ADAM20: variants seen among roughly 807,000 people sequenced by gnomAD.
ADAM20 encodes disintegrin and metalloproteinase domain-containing protein 20.
For synonymous variants in ADAM20, 305 were observed against 310.2 expected (o/e 0.98, Z 0.18); for missense variants, 871 against 883.2 (o/e 0.99, Z 0.18).
At chr14:70,557,660 CATTA>C in the ADAM20 span, among the ~76,000 whole-genome samples, 39 of 152,248 alleles carry the variant, frequency 2.6e-4, no homozygotes, top group East Asian at 5.0e-3. Context: ...ACTTCCAGGT[CATTA>C]ATTAAGACAA....
intron 1 of ADAM20, among the ~76,000 whole-genome samples, chr14:70,532,863 C>A (rs944390677): frequency 6.6e-6 from 1 of 152,066 alleles, no homozygotes; most frequent in Non-Finnish European, 1.5e-5. Flanking sequence ...GGGCAAATGA[C>A]CTGAATAGGC....
At chr14:70,554,048 C>T in the ADAM20 span, among the ~76,000 whole-genome samples, 1 of 152,054 alleles carries the variant, frequency 6.6e-6, no homozygotes, top group Non-Finnish European at 1.5e-5. Flanking sequence ...AAAGACTCCA[C>T]CAAAAAACTA....
chr14:70,558,249 G>A, the ADAM20 span, among the ~76,000 whole-genome samples: 1 of 152,188 alleles, frequency 6.6e-6, no homozygotes, highest in Non-Finnish European at 1.5e-5. Flanking sequence ...AAGTCTTGTA[G>A]TCAAATACAA....
the ADAM20 span, among the ~76,000 whole-genome samples, chr14:70,563,077 A>T: frequency 6.6e-6 from 1 of 152,176 alleles, no homozygotes; most frequent in Non-Finnish European, 1.5e-5. Flanking sequence ...ATCTGAGAAG[A>T]ATTCTCACAA....
the ADAM20 span, among the ~76,000 whole-genome samples, chr14:70,565,252 A>G: frequency 4.0e-5 from 6 of 151,848 alleles, no homozygotes; most frequent in African/African-American, 1.4e-4. Context: ...AAAATAATGA[A>G]AAGAAGTGAA....
chr14:70,522,898 G>A lies in ADAM20; in HGVS notation c.1860C>T (p.Cys620=), dbSNP rs747730562. 6 of 1,613,932 alleles carry A rather than the reference G, an allele frequency of 3.7e-6. No homozygotes were observed. Among genetic ancestry groups the A allele is most frequent in the African/African-American group, 2.7e-5 (2 of 74,898 alleles). The part of the protein sequence containing the change: ...DGTVCGPEKI[C]IRKKCASMVH... Reference sequence around the variant, plus strand: ...CCATACTGGCACACTTCTTACGGATGCAGATCTTTTCTGGACCACATACTG... The same window carrying A: ...CCATACTGGCACACTTCTTACGGATACAGATCTTTTCTGGACCACATACTG... Residue 620 remains cysteine (C), a synonymous_variant, in exon 2 of 2, where the codon TGC becomes TGT. Transcript: ENST00000256389.
chr14:70,561,663 C>T, the ADAM20 span, among the ~76,000 whole-genome samples: 10 of 152,188 alleles, frequency 6.6e-5, no homozygotes, highest in Non-Finnish European at 1.0e-4. Context: ...AGCCTTGGGA[C>T]GTGGGAATGG....
At chr14:70,561,816 A>G in the ADAM20 span, among the ~76,000 whole-genome samples, 1 of 152,266 alleles carries the variant, frequency 6.6e-6, no homozygotes, top group African/African-American at 2.4e-5. Flanking sequence ...GCAAGAGTTG[A>G]GGTTTGAAAA....
In ADAM20 at chr14:70,523,215, A is replaced by G. The variant is rs1193026753; in HGVS notation, c.1543T>C (p.Cys515Arg). The G allele has an allele frequency of 1.9e-6, 3 of 1,613,884 alleles. No homozygotes were observed. Among genetic ancestry groups the G allele is most frequent in the African/African-American group, 1.3e-5 (1 of 74,898 alleles). ...GCATCTTGGCCAAAAATCTCTTTAC[A>G]TTGTATATCATGGTTATTACACGTC... is the stretch of plus-strand genomic sequence containing the variant. ...EKTCNNHDIQ[C>R]KEIFGQDARS... The change falls in exon 2 of 2, where the codon TGT (cysteine) becomes CGT (arginine). Residue 515 changes from cysteine (C) to arginine (R), a missense_variant. Coordinates refer to ENST00000256389, the MANE Select transcript of ADAM20 (RefSeq NM_003814.5).
intron 1 of ADAM20, among the ~76,000 whole-genome samples, chr14:70,534,124 A>T (rs1468260441): frequency 2.7e-5 from 4 of 148,034 alleles, no homozygotes; most frequent in African/African-American, 1.0e-4. Context: ...ACACACACAC[A>T]CGCACACAAA....
chr14:70,539,101 TC>T (rs1203748922), upstream of ADAM20, among the ~76,000 whole-genome samples: 1 of 146,758 alleles, frequency 6.8e-6, no homozygotes, highest in African/African-American at 2.6e-5. Flanking sequence ...ATGATGTGCT[TC>T]CCCCCACAGA....
chr14:70,546,657 T>A, the ADAM20 span, among the ~76,000 whole-genome samples: 17 of 152,282 alleles, frequency 1.1e-4, no homozygotes, highest in South Asian at 2.3e-3. Context: ...AGCTTAGTGA[T>A]TTTGGGGGTC....
chr14:70,533,536 T>A (rs1883759977), intron 1 of ADAM20, among the ~76,000 whole-genome samples: 1 of 151,824 alleles, frequency 6.6e-6, no homozygotes, highest in Non-Finnish European at 1.5e-5. Flanking sequence ...CACTCATAAG[T>A]GGGAGTTGAA....
At chr14:70,569,849 G>A in the ADAM20 span, among the ~76,000 whole-genome samples, 1 of 113,796 alleles carries the variant, frequency 8.8e-6, no homozygotes, top group African/African-American at 3.3e-5. Flanking sequence ...CTACCCCACT[G>A]ACAGCATTAG....
chr14:70,553,751 T>C, the ADAM20 span, among the ~76,000 whole-genome samples: 2 of 142,634 alleles, frequency 1.4e-5, no homozygotes, highest in Non-Finnish European at 3.1e-5. Context: ...CCCTTCATGA[T>C]AAAAAAAAAA....
Position 70,523,455 on chromosome 14 carries a change from A to C in ADAM20, c.1303T>G (p.Cys435Gly). The C allele has an allele frequency of 6.2e-7, 1 of 1,614,076 alleles. No homozygotes were observed. The highest frequency in any genetic ancestry group is 8.5e-7 in the Non-Finnish European group (1 of 1,179,974). ...TIRQCAKDPC[C>G]LLNCTLHPGA... is the part of the protein sequence containing the mutation. ...GGATGTAGAGTACAGTTTAACAGAC[A>C]ACAGGGATCTTTTGCACACTGCCGT... Residue 435 changes from cysteine to glycine, a missense_variant, in exon 2 of 2, where the codon TGT becomes GGT. Coordinates refer to ENST00000256389, the MANE Select transcript of ADAM20 (RefSeq NM_003814.5).
chr14:70,556,201 GCCCAAGTGGTGATTC>G, the ADAM20 span: 6 of 152,642 alleles, frequency 3.9e-5, no homozygotes, highest in South Asian at 1.2e-3. Flanking sequence ...GCTCTGCCCC[GCCCAAGTGGTGATTC>G]CCCAGAATTT....
At chr14:70,528,048 T>C (rs75814478) in intron 1 of ADAM20, among the ~76,000 whole-genome samples, 3,713 of 152,338 alleles carry the variant, frequency 0.024, 136 homozygotes, top group African/African-American at 0.084. Context: ...AATATTTATG[T>C]ATATGGTCTG....
the ADAM20 span, among the ~76,000 whole-genome samples, chr14:70,546,370 T>G: frequency 6.6e-6 from 1 of 152,168 alleles, no homozygotes; most frequent in Admixed American, 6.5e-5. Flanking sequence ...GAGGCACAGC[T>G]TGGTTTTATA....
Sources: allele counts gnomAD v4.1 joint callset (sites outside exome capture counted in the v4.1 genomes callset), GRCh38; gene constraint gnomAD v4.1.1; transcripts MANE v1.5; gene names NCBI Gene and HGNC (gene_info 2026-07-23, HGNC 2026-07-21).